Variants in RANBP2 observed in about 807,000 individuals in gnomAD.
RANBP2 encodes E3 SUMO-protein ligase RanBP2.
RANBP2 carries 57 observed loss-of-function variants against 303.6 expected under a neutral mutation model. The observed-to-expected ratio is 0.19, with a 90% CI of 0.15 to 0.23. RANBP2 has a LOEUF of 0.23. Among genes scored for constraint, RANBP2 ranks in the 10% least tolerant of loss-of-function variants. RANBP2 has a pLI of 1.00. For missense variants in RANBP2, 3,138 were observed against 3,780.8 expected, an observed-to-expected ratio of 0.83 and a Z score of 4.46; for synonymous variants, 1,167 against 1,301.5, an observed-to-expected ratio of 0.90 and a Z score of 2.23.
the RANBP2 span, among the ~76,000 whole-genome samples, chr2:109,009,963 T>C: frequency 6.6e-6 from 1 of 152,182 alleles, no homozygotes; most frequent in Non-Finnish European, 1.5e-5. Context: ...GCATTTCCCA[T>C]GCCATGATAG....
the RANBP2 span, among the ~76,000 whole-genome samples, chr2:109,742,580 T>C: frequency 6.8e-5 from 10 of 147,906 alleles, no homozygotes; most frequent in Admixed American, 6.1e-4. Context: ...CCAATATTGT[T>C]AGGATGTCAG....
At chr2:109,121,895 T>C in the RANBP2 span, among the ~76,000 whole-genome samples, 4 of 152,220 alleles carry the variant, frequency 2.6e-5, no homozygotes, top group Non-Finnish European at 5.9e-5. Context: ...CTCCTCCTGC[T>C]ACCTCTGGCA....
chr2:109,622,968 A>G, the RANBP2 span, among the ~76,000 whole-genome samples: 1 of 152,220 alleles, frequency 6.6e-6, no homozygotes, highest in East Asian at 1.9e-4. Flanking sequence ...GTCTACTAAA[A>G]CTACACAAAT....
the RANBP2 span, among the ~76,000 whole-genome samples, chr2:108,887,136 G>A: frequency 6.6e-6 from 1 of 152,118 alleles, no homozygotes; most frequent in Non-Finnish European, 1.5e-5. Flanking sequence ...ATTGAAGAGG[G>A]TGAACTTTCC....
chr2:109,469,190 G>GT, the RANBP2 span, among the ~76,000 whole-genome samples: 1 of 152,190 alleles, frequency 6.6e-6, no homozygotes, highest in African/African-American at 2.4e-5. Context: ...CTTACACAGC[G>GT]TATTTCTTCT....
At chr2:109,761,558 G>C in the RANBP2 span, among the ~76,000 whole-genome samples, 2 of 148,148 alleles carry the variant, frequency 1.3e-5, no homozygotes, top group African/African-American at 5.0e-5. Context: ...GTAAATCGCC[G>C]CTGGAAGCAG....
At chr2:108,995,513 G>T in the RANBP2 span, among the ~76,000 whole-genome samples, 12 of 152,128 alleles carry the variant, frequency 7.9e-5, no homozygotes, top group Admixed American at 7.9e-4. Flanking sequence ...AGCCAAAATG[G>T]GAATAAACAG....
chr2:109,649,521 C>T, the RANBP2 span, among the ~76,000 whole-genome samples: 2 of 152,020 alleles, frequency 1.3e-5, no homozygotes, highest in Non-Finnish European at 2.9e-5. Flanking sequence ...CCTCAGCCTC[C>T]CAAGTAGCTG....
the RANBP2 span, among the ~76,000 whole-genome samples, chr2:109,405,039 C>T: frequency 1.3e-5 from 2 of 148,610 alleles, no homozygotes; most frequent in African/African-American, 2.5e-5. Flanking sequence ...CATCTCTAGC[C>T]CCTACATCTA....
At chr2:108,931,049 A>G in the RANBP2 span, 4 of 1,612,444 alleles carry the variant, frequency 2.5e-6, no homozygotes, top group Non-Finnish European at 1.7e-6. Flanking sequence ...GACATGCGTC[A>G]TTAGCTGGGC....
At chr2:109,098,235 G>C in the RANBP2 span, among the ~76,000 whole-genome samples, 8 of 152,152 alleles carry the variant, frequency 5.3e-5, no homozygotes, top group Non-Finnish European at 1.2e-4. Context: ...ATTTTAGAAG[G>C]CCACTGTTTT....
In RANBP2 at chr2:108,775,798, G is replaced by A. The variant is rs755426318; in HGVS notation, c.8359G>A (p.Val2787Ile). ...SVYTGGTEVMVPSFCKSEEPD... is the reference protein window; with the variant it reads ...SVYTGGTEVMIPSFCKSEEPD... ...ATATACAGGTGGGACTGAAGTGATG[G>A]TACCTTCTTTCTGTAAATCTGAAGA... Residue 2787 changes from valine (V) to isoleucine (I), a missense_variant, in exon 24 of 29, where the codon GTA (valine) becomes ATA (isoleucine). Around this residue, in one of 20 missense-constraint regions of RANBP2, gnomAD observed 497 missense variants for 465.8 expected, o/e 1.07. Coordinates refer to ENST00000283195, the MANE Select transcript of RANBP2 (RefSeq NM_006267.5). 1 of 1,613,842 alleles carries A rather than the reference G, an allele frequency of 6.2e-7. No individual in the cohort carries two copies. The highest frequency in any genetic ancestry group is 8.5e-7 in the Non-Finnish European group (1 of 1,179,920).
the RANBP2 span, among the ~76,000 whole-genome samples, chr2:109,591,480 A>G: frequency 4.3e-4 from 66 of 152,360 alleles, no homozygotes; most frequent in African/African-American, 1.4e-3. Context: ...AGGATTAAAC[A>G]TCATTCAAAA....
the RANBP2 span, chr2:109,130,063 G>T: frequency 7.3e-7 from 1 of 1,367,412 alleles, no homozygotes; most frequent in Non-Finnish European, 9.4e-7. Context: ...GGGCAGCACC[G>T]CCGGCAGTCT....
chr2:109,302,205 T>C, the RANBP2 span, among the ~76,000 whole-genome samples: 6 of 152,180 alleles, frequency 3.9e-5, no homozygotes, highest in Non-Finnish European at 5.9e-5. Context: ...CTGGGACACA[T>C]GCAATTTGTG....
the RANBP2 span, among the ~76,000 whole-genome samples, chr2:109,379,796 A>C: frequency 2.6e-5 from 4 of 152,068 alleles, no homozygotes; most frequent in Non-Finnish European, 4.4e-5. Flanking sequence ...GGTCATTGCC[A>C]AGAACACTGG....
the RANBP2 span, among the ~76,000 whole-genome samples, chr2:109,053,857 T>C: frequency 6.6e-6 from 1 of 152,026 alleles, no homozygotes; most frequent in Admixed American, 6.5e-5. Context: ...GTTCCCTTTC[T>C]GAGCATCATC....
chr2:108,908,004 T>A, the RANBP2 span: 1 of 1,609,448 alleles, frequency 6.2e-7, no homozygotes, highest in Non-Finnish European at 8.5e-7. Flanking sequence ...CATTCTCGGA[T>A]GAGGCATCGT....
chr2:109,027,988 G>A, the RANBP2 span, among the ~76,000 whole-genome samples: 1 of 152,218 alleles, frequency 6.6e-6, no homozygotes, highest in African/African-American at 2.4e-5. Context: ...AAAACATACT[G>A]GCAGGGTGAG....
Sources: gnomAD v4.1 joint callset for allele counts (sites outside exome capture counted in the v4.1 genomes callset) on GRCh38, gnomAD v4.1.1 for gene constraint, gnomAD v4.1.1 regional missense constraint, MANE v1.5 for transcripts, NCBI Gene and HGNC (gene_info 2026-07-23, HGNC 2026-07-21) for gene names.